Variants in CAMK2D observed in about 807,000 individuals in gnomAD.
CAMK2D encodes calcium/calmodulin-dependent protein kinase type II subunit delta.
A neutral mutation model predicts 84.0 loss-of-function variants in CAMK2D; 37 were observed. The ratio of observed to expected loss-of-function variants is 0.44; its 90% CI spans 0.34 to 0.58. The LOEUF (loss-of-function observed/expected upper bound fraction) is 0.58. CAMK2D is among the 20% of genes least tolerant of loss of function. CAMK2D has a pLI of 0.02. For missense variants in CAMK2D, 448 were observed against 652.5 expected (o/e 0.69, Z 3.41); for synonymous variants, 202 against 212.5 (o/e 0.95, Z 0.43).
chr4:113,510,783 G>A (rs1272807764), intron 12 of CAMK2D, among the ~76,000 whole-genome samples: 1 of 151,944 alleles, frequency 6.6e-6, no homozygotes, highest in East Asian at 1.9e-4. Flanking sequence ...ATTGATTTGG[G>A]CCATTATTTC....
intron 3 of CAMK2D, among the ~76,000 whole-genome samples, chr4:113,625,834 C>T (rs577038092): frequency 6.6e-6 from 1 of 151,988 alleles, no homozygotes; most frequent in African/African-American, 2.4e-5. Flanking sequence ...GTTGAAAATA[C>T]ACTGTAAGGA....
At chr4:113,462,006 T>G (rs897574536) in intron 17 of CAMK2D, among the ~76,000 whole-genome samples, 2 of 152,218 alleles carry the variant, frequency 1.3e-5, no homozygotes, top group Admixed American at 6.5e-5. Flanking sequence ...GATTGCCTGC[T>G]GGGCAGGCAT....
At chr4:113,480,258 C>T (rs900883102) in intron 16 of CAMK2D, among the ~76,000 whole-genome samples, 2 of 152,206 alleles carry the variant, frequency 1.3e-5, no homozygotes, top group South Asian at 2.1e-4. Flanking sequence ...CTACCGCACC[C>T]GGCCAGCATT....
intron 3 of CAMK2D, among the ~76,000 whole-genome samples, chr4:113,647,596 G>A (rs946831023): frequency 3.3e-5 from 5 of 152,238 alleles, no homozygotes; most frequent in African/African-American, 1.2e-4. Context: ...CCCAAGAGAT[G>A]CCAGAATGGC....
At chr4:113,457,639 G>T in intron 18 of CAMK2D, 76 bp from the exon 19 acceptor site, 1 of 1,067,292 alleles carries the variant, frequency 9.4e-7, no homozygotes, top group Non-Finnish European at 1.4e-6. Flanking sequence ...ACTTCAGTTA[G>T]GACCAATGAA....
rs2154097922 is a variant in CAMK2D, at chr4:113,452,896, A to G, written c.*1649T>C. The stretch of plus-strand genomic sequence containing the variant: ...TCAACCCATCTACCATACATCCACT[A>G]GCAATAATATCTAAGATGATTAGTA... On this transcript the variant is annotated 3_prime_UTR_variant, in exon 21 of 21. Coordinates refer to ENST00000511664, the MANE Select transcript of CAMK2D (RefSeq NM_001321571.2). 6.5e-6 allele frequency: 1 copy of G among 152,698 alleles called. No homozygotes were observed. Among genetic ancestry groups the G allele is most frequent in the Non-Finnish European group, 1.5e-5 (1 of 68,018 alleles). 9.5% of individuals were successfully genotyped at this position (152,698 alleles called of 1,614,324 possible).
At chr4:113,485,461 C>T (rs951812144) in intron 16 of CAMK2D, among the ~76,000 whole-genome samples, 4 of 152,196 alleles carry the variant, frequency 2.6e-5, no homozygotes, top group African/African-American at 7.2e-5. Flanking sequence ...CATTAGCCTA[C>T]AAACTTGATC....
At chr4:113,718,101 G>A (rs2099519096) in intron 2 of CAMK2D, among the ~76,000 whole-genome samples, 1 of 152,136 alleles carries the variant, frequency 6.6e-6, no homozygotes. Context: ...TGCCTAGACA[G>A]AGAAGATTTA....
chr4:113,747,533 GATTTGAGCAGAAACTT>G (rs2099607375), intron 2 of CAMK2D, among the ~76,000 whole-genome samples: 1 of 151,940 alleles, frequency 6.6e-6, no homozygotes, highest in South Asian at 2.1e-4. Flanking sequence ...CTTAGTTTTG[GATTTGAGCAGAAACTT>G]ATGAACTTTT....
intron 3 of CAMK2D, among the ~76,000 whole-genome samples, chr4:113,649,031 A>G (rs886422154): frequency 2.6e-5 from 4 of 152,178 alleles, no homozygotes; most frequent in African/African-American, 9.7e-5. Flanking sequence ...AGTCACGCAA[A>G]CTAGAAACCT....
At chr4:113,708,569 T>C (rs1002879595) in intron 2 of CAMK2D, among the ~76,000 whole-genome samples, 11 of 152,178 alleles carry the variant, frequency 7.2e-5, no homozygotes, top group Admixed American at 5.9e-4. Context: ...CTAGTAATTT[T>C]CACATCAAGA....
intron 3 of CAMK2D, among the ~76,000 whole-genome samples, chr4:113,628,679 G>T (rs17046298): frequency 0.041 from 6,188 of 152,144 alleles, 434 homozygotes; most frequent in African/African-American, 0.14. Flanking sequence ...GGGTATAAAA[G>T]AAAGTCTTGT....
chr4:113,679,148 A>C (rs2099330222), intron 2 of CAMK2D, among the ~76,000 whole-genome samples: 1 of 152,182 alleles, frequency 6.6e-6, no homozygotes, highest in African/African-American at 2.4e-5. Context: ...TAACATTGTT[A>C]AGAGCTGCAA....
intron 2 of CAMK2D, among the ~76,000 whole-genome samples, chr4:113,664,124 G>A (rs1592693378): frequency 6.6e-6 from 1 of 152,240 alleles, no homozygotes; most frequent in South Asian, 2.1e-4. Context: ...AGAAATCAAC[G>A]CTTCTGACAC....
intron 4 of CAMK2D, among the ~76,000 whole-genome samples, chr4:113,586,396 A>G (rs1417294474): frequency 6.6e-6 from 1 of 152,188 alleles, no homozygotes; most frequent in Non-Finnish European, 1.5e-5. Context: ...AAACCAGGTC[A>G]ACTCACAGAT....
chr4:113,599,711 T>C (rs959732924), intron 4 of CAMK2D, among the ~76,000 whole-genome samples: 67 of 152,186 alleles, frequency 4.4e-4, no homozygotes, highest in African/African-American at 1.6e-3. Flanking sequence ...ACATATTTTG[T>C]ATGTTACGTG....
At chr4:113,563,052 G>A (rs988121091) in intron 4 of CAMK2D, among the ~76,000 whole-genome samples, 9 of 151,920 alleles carry the variant, frequency 5.9e-5, no homozygotes, top group Non-Finnish European at 1.0e-4. Flanking sequence ...TCAGGAGTTC[G>A]AGGCCAGGCT....
intron 16 of CAMK2D, among the ~76,000 whole-genome samples, chr4:113,484,293 T>C (rs78813841): frequency 7.4e-4 from 113 of 152,292 alleles, no homozygotes; most frequent in African/African-American, 2.6e-3. Flanking sequence ...CTCTTATAGA[T>C]GACTAGTCCA....
At chr4:113,730,833 CTTTG>C (rs1593736441) in intron 2 of CAMK2D, among the ~76,000 whole-genome samples, 1 of 152,134 alleles carries the variant, frequency 6.6e-6, no homozygotes, top group Non-Finnish European at 1.5e-5. Flanking sequence ...CTTTTTCTAC[CTTTG>C]TTTATTTTTA....
Sources: gnomAD v4.1 joint callset for allele counts (sites outside exome capture counted in the v4.1 genomes callset) on GRCh38, gnomAD v4.1.1 for gene constraint, MANE v1.5 for transcripts, NCBI Gene and HGNC (gene_info 2026-07-23, HGNC 2026-07-21) for gene names.